DNAH8: variants seen among roughly 807,000 people sequenced by gnomAD.
The protein encoded by DNAH8 is dynein axonemal heavy chain 8.
A neutral mutation model predicts 562.1 loss-of-function variants in DNAH8; 382 were observed. That is an observed-to-expected ratio of 0.68 (90% confidence interval 0.63 to 0.74). DNAH8 has a LOEUF of 0.74. DNAH8 is among the 30% of genes least tolerant of loss of function. DNAH8 has a pLI of 0.00. For missense variants in DNAH8, 5,203 were observed against 5,620.4 expected, an observed-to-expected ratio of 0.93 and a Z score of 2.37; for synonymous variants, 1,881 against 1,919.4, an observed-to-expected ratio of 0.98 and a Z score of 0.52.
chr6:38,762,977 C>G (rs1282846413), intron 11 of DNAH8: 1 of 365,090 alleles, frequency 2.7e-6, no homozygotes. Context: ...GAATCAGGAT[C>G]ATTATGCAGT....
At chr6:38,715,726 T>C (rs1229135550) in intron 1 of DNAH8, among the ~76,000 whole-genome samples, 1 of 147,450 alleles carries the variant, frequency 6.8e-6, no homozygotes, top group African/African-American at 2.5e-5. Flanking sequence ...CGCAAAGGCA[T>C]CCAGAGGGGT....
intron 79 of DNAH8, among the ~76,000 whole-genome samples, chr6:38,941,766 G>A (rs577316702): frequency 2.6e-5 from 4 of 152,128 alleles, no homozygotes; most frequent in Non-Finnish European, 5.9e-5. Flanking sequence ...GGGGGGTAGG[G>A]GGCATTGAAG....
rs1194139263 is a variant in DNAH8 at position 38,915,272 on chromosome 6, C to T, written c.10035C>T (p.Asp3345=). ...AAAATGAAGTACAGGAGGTAAAGGA[C>T]AAAGCCCAAAAAATTGTGGATGAAA... ...KIKNEVQEVK[D]KAQKIVDEID... The change falls in exon 68 of 93, where the codon GAC becomes GAT. Residue 3345 remains aspartate, a synonymous_variant. Coordinates refer to ENST00000327475, the MANE Select transcript of DNAH8 (RefSeq NM_001206927.2). 1 of 1,611,606 alleles carries T rather than the reference C, an allele frequency of 6.2e-7. No homozygotes were observed. The highest frequency in any genetic ancestry group is 8.5e-7 in the Non-Finnish European group (1 of 1,179,116).
intron 8 of DNAH8, among the ~76,000 whole-genome samples, chr6:38,745,799 C>T (rs1764879313): frequency 6.6e-6 from 1 of 152,134 alleles, no homozygotes; most frequent in South Asian, 2.1e-4. Flanking sequence ...GAGAATGTCT[C>T]TCAATTTGGG....
rs1291970400 is a variant in DNAH8 at position 38,945,608 on chromosome 6, G to C, written c.12129+20G>C. On this transcript the variant is annotated intron_variant, in intron 80 of 92. Coordinates refer to ENST00000327475, the MANE Select transcript of DNAH8 (RefSeq NM_001206927.2). ...AACCAGGTAATACAATAAAGGGCTG[G>C]TTGAAAGTGCAGATCTGCAAACCCA... The C allele has an allele frequency of 1.9e-6, 3 of 1,613,282 alleles. No homozygotes were observed. Among genetic ancestry groups the C allele is most frequent in the Admixed American group, 3.3e-5 (2 of 59,992 alleles).
intron 11 of DNAH8, among the ~76,000 whole-genome samples, chr6:38,767,958 C>T (rs1582950368): frequency 6.6e-6 from 1 of 152,326 alleles, no homozygotes; most frequent in Non-Finnish European, 1.5e-5. Flanking sequence ...CTTGCCAACA[C>T]TTTTTATTTT....
chr6:38,779,489 T>C (rs1032417799), intron 14 of DNAH8, among the ~76,000 whole-genome samples: 1 of 152,176 alleles, frequency 6.6e-6, no homozygotes, highest in African/African-American at 2.4e-5. Flanking sequence ...TGTCATTCAG[T>C]CTCTGAATGG....
intron 21 of DNAH8, among the ~76,000 whole-genome samples, chr6:38,794,571 C>T (rs905756193): frequency 6.6e-6 from 1 of 152,166 alleles, no homozygotes; most frequent in African/African-American, 2.4e-5. Flanking sequence ...ACTTCCTTCC[C>T]ACCCCTAAAA....
In DNAH8 at chr6:38,911,578, T is replaced by G. The variant is rs1430406590; in HGVS notation, c.9851T>G (p.Met3284Arg). 6.3e-7 allele frequency: 1 copy of G among 1,587,150 alleles called. No homozygotes were observed. Among genetic ancestry groups the G allele is most frequent in the Non-Finnish European group, 8.7e-7 (1 of 1,155,700 alleles). The change falls in exon 66 of 93, where the codon ATG becomes AGG. Residue 3284 changes from methionine (M) to arginine (R), a missense_variant. Transcript: ENST00000327475. ...VKFINEQAER[M>R]NIGLDKLMEA... ...TTCATTAATGAACAGGCTGAACGTA[T>G]GAATATTGGTAAGAGGAATGGAATG...
chr6:38,849,572 C>G (rs1008227), intron 37 of DNAH8, among the ~76,000 whole-genome samples: 55,074 of 141,570 alleles, frequency 0.39, 11,213 homozygotes, highest in East Asian at 0.68. Flanking sequence ...TTTTTTTTTG[C>G]TTTTTTTTTT....
At chr6:38,832,233 TG>T (rs1773900508) in intron 30 of DNAH8, 88 bp from the exon 31 acceptor site, 3 of 753,566 alleles carry the variant, frequency 4.0e-6, no homozygotes, top group Admixed American at 4.7e-5. Flanking sequence ...ATAGGATATC[TG>T]TGAGATACAC....
At chr6:38,870,601 T>C in intron 49 of DNAH8, 39 bp downstream of exon 49, 1 of 1,572,076 alleles carries the variant, frequency 6.4e-7, no homozygotes, top group Non-Finnish European at 8.7e-7. Flanking sequence ...TAATGATAAG[T>C]ATGTGTTAAA....
In DNAH8 at chr6:38,756,017, A is replaced by G. The variant is rs755104748; in HGVS notation, c.1453A>G (p.Met485Val). The change falls in exon 10 of 93, where the codon ATG becomes GTG. Residue 485 changes from methionine (M) to valine (V), a missense_variant. Met to Val is a conservative substitution (Grantham distance 21). Transcript: ENST00000327475. The stretch of plus-strand genomic sequence containing the variant: ...ACAAAATTTGATTAATGCCATCAGA[A>G]TGATTCACGGTGTGTCAAGGTATTA... ...GIQNLINAIR[M>V]IHGVSRYYNT... The G allele has an allele frequency of 1.0e-4, 165 of 1,611,526 alleles. No homozygotes were observed. The highest frequency in any genetic ancestry group is 1.3e-4 in the Non-Finnish European group (154 of 1,178,074).
intron 91 of DNAH8, among the ~76,000 whole-genome samples, chr6:39,017,185 C>T (rs1432974624): frequency 2.0e-5 from 3 of 151,994 alleles, no homozygotes; most frequent in Non-Finnish European, 2.9e-5. Flanking sequence ...GTTTTCCCAG[C>T]AGTTGTTGGT....
At chr6:38,855,750 G>C (rs1001624956) in intron 41 of DNAH8, among the ~76,000 whole-genome samples, 1 of 152,044 alleles carries the variant, frequency 6.6e-6, no homozygotes, top group Non-Finnish European at 1.5e-5. Flanking sequence ...CACCCGGCCC[G>C]GCCACAAACC....
intron 67 of DNAH8, among the ~76,000 whole-genome samples, chr6:38,914,935 G>C (rs1015312225): frequency 1.3e-5 from 2 of 152,028 alleles, no homozygotes; most frequent in African/African-American, 4.8e-5. Flanking sequence ...AATTTGTAGA[G>C]TGAAAATACT....
chr6:38,719,282 A>T (rs986610164), intron 1 of DNAH8, among the ~76,000 whole-genome samples: 3 of 152,120 alleles, frequency 2.0e-5, no homozygotes, highest in African/African-American at 7.2e-5. Flanking sequence ...ATTTCTTACA[A>T]AGGTTTATTG....
At chr6:38,847,372 A>T (rs914777233) in intron 36 of DNAH8, among the ~76,000 whole-genome samples, 2 of 151,556 alleles carry the variant, frequency 1.3e-5, no homozygotes, top group African/African-American at 4.9e-5. Flanking sequence ...ATCTCCCTAA[A>T]TGCCTGCCCA....
intron 18 of DNAH8, among the ~76,000 whole-genome samples, chr6:38,788,493 G>T (rs897022170): frequency 6.6e-6 from 1 of 152,126 alleles, no homozygotes; most frequent in Non-Finnish European, 1.5e-5. Context: ...TGAGTGTGAG[G>T]TGGTATCTCC....
Sources: gnomAD v4.1 joint callset for allele counts (sites outside exome capture counted in the v4.1 genomes callset) on GRCh38, gnomAD v4.1.1 for gene constraint, MANE v1.5 for transcripts, NCBI Gene and HGNC (gene_info 2026-07-23, HGNC 2026-07-21) for gene names.